The following SPTA1 variants were observed in gnomAD, a reference collection of about 807,000 sequenced individuals.
SPTA1 encodes the protein spectrin alpha, erythrocytic 1, also known as spectrin alpha chain, erythrocytic 1.
SPTA1 carries 177 observed loss-of-function variants against 324.7 expected under a neutral mutation model. The observed-to-expected ratio is 0.55, with a 90% CI of 0.48 to 0.62. The LOEUF is 0.62. SPTA1 is among the 20% of genes least tolerant of loss of function. SPTA1 has a pLI of 0.00. For missense variants in SPTA1, 3,162 were observed against 2,883.6 expected (o/e 1.10, Z -2.21); for synonymous variants, 1,195 against 1,041.3 (o/e 1.15, Z -2.84).
rs201233455 is a variant in SPTA1 at position 158,627,668 on chromosome 1, C to T, written c.5621G>A (p.Arg1874Gln). ...TCCTTGTGCACACACATTTTGTACT[C>T]GGGTCTCATGGACAGCAAAGTCATT... Reference protein sequence around the residue: ...LENDFAVHETRVQNVCAQGED... With the variant: ...LENDFAVHETQVQNVCAQGED... Residue 1874 changes from arginine to glutamine, a missense_variant, in exon 40 of 52, where the codon CGA becomes CAA. By Grantham distance (43) the Arg-to-Gln change is conservative (BLOSUM62 1). Transcript: ENST00000643759. The T allele has an allele frequency of 3.8e-5, 61 of 1,613,474 alleles. 1 individual carries two copies. The East Asian group carries it at 6.0e-4, about 16-fold the overall frequency.
chr1:158,654,562 G>C (rs1286338698), intron 21 of SPTA1, 49 bp downstream of exon 21: 6 of 1,612,828 alleles, frequency 3.7e-6, no homozygotes, highest in Non-Finnish European at 5.1e-6. Flanking sequence ...TGGGAGAGAT[G>C]GTTCTGAAAG....
In SPTA1 at chr1:158,619,240, T is replaced by C; in HGVS notation, c.6512A>G (p.Gln2171Arg). Residue 2171 changes from glutamine to arginine, a missense_variant, in exon 45 of 52, where the codon CAA becomes CGA. Gln to Arg is a conservative substitution (Grantham distance 43). Transcript: ENST00000643759. The part of the protein sequence containing the change: ...EFEQNASTFL[Q>R]WILETRAYFL... ...AGCACACCTGGTTTCCAGGATCCAT[T>C]GAAGGAAGGTACTGGCATTCTGTTC... The C allele has an allele frequency of 6.2e-7, 1 of 1,614,072 alleles. No individual in the cohort carries two copies. Among genetic ancestry groups the C allele is most frequent in the African/African-American group, 1.3e-5 (1 of 75,032 alleles).
intron 47 of SPTA1, among the ~76,000 whole-genome samples, chr1:158,616,451 T>A (rs1267538905): frequency 6.6e-6 from 1 of 151,930 alleles, no homozygotes; most frequent in Non-Finnish European, 1.5e-5. Flanking sequence ...ATACTCTCTG[T>A]CTTCATGAGA....
chr1:158,671,447 G>A lies in SPTA1; in HGVS notation c.1495C>T (p.Leu499=). ...GAGTTTCCCAGATCCTCGTTTTCCA[G>A]GAAGGCCTGTAGAAGACAGAAAGAC... is the stretch of plus-strand genomic sequence containing the variant. ...DSWMSRQEAF[L]ENEDLGNSLG... is the part of the protein sequence containing the mutation. The change falls in exon 12 of 52, where the codon CTG becomes TTG. Residue 499 remains leucine (L), a synonymous_variant. Transcript: ENST00000643759. 1 of 1,612,576 alleles carries A rather than the reference G, an allele frequency of 6.2e-7. No individual in the cohort carries two copies. Among genetic ancestry groups the A allele is most frequent in the Non-Finnish European group, 8.5e-7 (1 of 1,179,768 alleles).
intron 14 of SPTA1, 147 bp from the exon 15 acceptor site, chr1:158,668,209 TG>T: frequency 1.1e-6 from 1 of 937,386 alleles, no homozygotes; most frequent in Admixed American, 2.5e-5. Context: ...GTCCAACGTT[TG>T]AGAAATTCAT....
intron 21 of SPTA1, 143 bp downstream of exon 21, chr1:158,654,468 T>C (rs1302263041): frequency 8.6e-7 from 1 of 1,167,468 alleles, no homozygotes; most frequent in Non-Finnish European, 1.2e-6. Context: ...ACAGGAAAAA[T>C]ACTACCTAAT....
intron 34 of SPTA1, 41 bp downstream of exon 34, chr1:158,639,829 T>C (rs1481724517): frequency 6.2e-7 from 1 of 1,613,636 alleles, no homozygotes; most frequent in Non-Finnish European, 8.5e-7. Flanking sequence ...GACAAGTATG[T>C]ATTAAACTCT....
At chr1:158,630,150 CT>C (rs1207825873) in intron 39 of SPTA1, among the ~76,000 whole-genome samples, 1 of 151,804 alleles carries the variant, frequency 6.6e-6, no homozygotes, top group Admixed American at 6.6e-5. Context: ...AAAATCAATT[CT>C]AAAATTTATA....
chr1:158,619,353 G>A lies in SPTA1; in HGVS notation c.6418-19C>T. The A allele has an allele frequency of 6.2e-7, 1 of 1,612,032 alleles. No individual in the cohort carries two copies. The highest frequency in any genetic ancestry group is 2.2e-5 in the East Asian group (1 of 44,880). On this transcript the variant is annotated intron_variant, in intron 44 of 51. Transcript: ENST00000643759. ...CCCGTTCCTAAAACCCCAAATCACA[G>A]ACAACGTGACTGACATCGAAGGCCT...
At chr1:158,613,102 T>C (rs1649357950) in intron 50 of SPTA1, 141 bp from the exon 51 acceptor site, 2 of 890,394 alleles carry the variant, frequency 2.2e-6, no homozygotes, top group Non-Finnish European at 3.6e-6. Context: ...TGGGATGAGA[T>C]GGGTTATGCT....
intron 39 of SPTA1, among the ~76,000 whole-genome samples, chr1:158,630,217 C>G (rs1650579408): frequency 6.6e-6 from 1 of 151,922 alleles, no homozygotes; most frequent in Non-Finnish European, 1.5e-5. Flanking sequence ...AAGAACAAAG[C>G]TGAAGGAATC....
rs745909299 is a variant in SPTA1, at chr1:158,612,932, G to C, written c.7019C>G (p.Thr2340Ser). The C allele has an allele frequency of 6.2e-7, 1 of 1,613,942 alleles. No individual in the cohort carries two copies. Among genetic ancestry groups the C allele is most frequent in the Non-Finnish European group, 8.5e-7 (1 of 1,179,894 alleles). ...RKGYVSLEDY[T>S]AFLIDKESEN... Reference sequence around the variant, plus strand: ...TGACTCCTTGTCAATCAGGAAAGCAGTATAGTCCTCCAGTGAGACATAGCC... The same window carrying C: ...TGACTCCTTGTCAATCAGGAAAGCACTATAGTCCTCCAGTGAGACATAGCC... The change falls in exon 51 of 52, where the codon ACT becomes AGT. Residue 2340 changes from threonine (T) to serine (S), a missense_variant. Physicochemically the swap from Thr to Ser is moderately conservative, Grantham distance 58. Coordinates refer to ENST00000643759, the MANE Select transcript of SPTA1 (RefSeq NM_003126.4).
chr1:158,618,445 T>C (rs1195685993), intron 45 of SPTA1, among the ~76,000 whole-genome samples: 1 of 152,170 alleles, frequency 6.6e-6, no homozygotes, highest in Non-Finnish European at 1.5e-5. Context: ...AGTGAGTATG[T>C]AGAAAAGTAT....
chr1:158,684,121 A>C (rs554006131), intron 2 of SPTA1, among the ~76,000 whole-genome samples: 9 of 151,612 alleles, frequency 5.9e-5, no homozygotes, highest in Admixed American at 3.3e-4. Context: ...TGGTTAACTC[A>C]TCTCTCTGAG....
At position 158,662,790 on chromosome 1, in the gene SPTA1, AAGGTCTAAG is replaced by A. The variant is rs1283319452; in HGVS notation, c.2367_2375del (p.Asp791_Leu793del). ...CTCTACAAATCAGCTGCAGATGGAGAAGGTCTAAGAGCTTCTTCTTTCGGGTGGCCAGTG... is the reference window on the plus strand; with the variant it reads ...CTCTACAAATCAGCTGCAGATGGAGAAGCTTCTTCTTTCGGGTGGCCAGTG... On this transcript the variant is annotated inframe_deletion, in exon 17 of 52. Transcript: ENST00000643759. The A allele has an allele frequency of 1.2e-6, 2 of 1,613,998 alleles. No homozygotes were observed. The highest frequency in any genetic ancestry group is 2.7e-5 in the African/African-American group (2 of 74,996).
intron 47 of SPTA1, 68 bp from the exon 48 acceptor site, chr1:158,615,471 A>G: frequency 4.0e-6 from 6 of 1,502,538 alleles, no homozygotes; most frequent in Non-Finnish European, 4.6e-6. Context: ...TAGAGGTGGA[A>G]GAGGAGATAA....
intron 42 of SPTA1, 92 bp from the exon 43 acceptor site, chr1:158,623,284 C>G: frequency 9.3e-7 from 1 of 1,071,220 alleles, no homozygotes; most frequent in South Asian, 1.3e-5. Context: ...ATAGATAAGG[C>G]TAGGCAAGAA....
chr1:158,682,356 T>C (rs991248717), intron 3 of SPTA1, among the ~76,000 whole-genome samples: 1 of 152,216 alleles, frequency 6.6e-6, no homozygotes, highest in African/African-American at 2.4e-5. Flanking sequence ...CCATTTGCTA[T>C]AGCCCCAGTG....
chr1:158,669,257 A>G, intron 14 of SPTA1, 151 bp downstream of exon 14: 1 of 1,071,754 alleles, frequency 9.3e-7, no homozygotes, highest in Non-Finnish European at 1.4e-6. Context: ...AATAGCCTTC[A>G]GGGATTCATT....
Sources: gnomAD v4.1 joint callset for allele counts (sites outside exome capture counted in the v4.1 genomes callset) on GRCh38, gnomAD v4.1.1 for gene constraint, MANE v1.5 for transcripts, NCBI Gene and HGNC (gene_info 2026-07-23, HGNC 2026-07-21) for gene names.